The following GPC5 variants were observed in gnomAD, a reference collection of about 807,000 sequenced individuals.
GPC5 encodes glypican 5.
In GPC5, 47 loss-of-function variants were observed where a neutral mutation model predicts 53.9. The observed-to-expected ratio is 0.87, with a 90% confidence interval of 0.69 to 1.11. The LOEUF (loss-of-function observed/expected upper bound fraction) is 1.11, where lower values mean the gene tolerates loss of function less well. Among genes scored for constraint, GPC5 ranks in the 50% most tolerant of loss-of-function variants. GPC5 has a pLI of 0.00. For synonymous variants in GPC5, 286 were observed against 263.3 expected (o/e 1.09, Z -0.84); for missense variants, 748 against 713.1 (o/e 1.05, Z -0.56).
At chr13:91,835,490 T>C (rs1255252561) in intron 5 of GPC5, among the ~76,000 whole-genome samples, 2 of 152,208 alleles carry the variant, frequency 1.3e-5, no homozygotes, top group African/African-American at 2.4e-5. Context: ...CCAATCCAAA[T>C]GCCCATCAAT....
intron 5 of GPC5, among the ~76,000 whole-genome samples, chr13:91,807,917 G>T (rs2038247338): frequency 6.6e-6 from 1 of 152,034 alleles, no homozygotes; most frequent in Admixed American, 6.6e-5. Flanking sequence ...TAACCACAAG[G>T]TTTCTTAAAG....
chr13:92,174,241 G>A (rs1274346577), intron 7 of GPC5, among the ~76,000 whole-genome samples: 1 of 152,050 alleles, frequency 6.6e-6, no homozygotes, highest in African/African-American at 2.4e-5. Context: ...CAAAATTTGG[G>A]CCGGGTGTGG....
intron 1 of GPC5, among the ~76,000 whole-genome samples, chr13:91,429,392 T>A (rs1879276143): frequency 6.6e-6 from 1 of 152,054 alleles, no homozygotes; most frequent in Non-Finnish European, 1.5e-5. Context: ...AGGTGACAGT[T>A]TAGAGGAGAG....
chr13:92,409,605 C>T (rs1049355781), intron 7 of GPC5, among the ~76,000 whole-genome samples: 1 of 152,040 alleles, frequency 6.6e-6, no homozygotes, highest in Non-Finnish European at 1.5e-5. Flanking sequence ...TAAAGCACTT[C>T]TGAAGGAAAA....
At chr13:92,288,277 A>C (rs1204586753) in intron 7 of GPC5, among the ~76,000 whole-genome samples, 1 of 151,884 alleles carries the variant, frequency 6.6e-6, no homozygotes, top group African/African-American at 2.4e-5. Flanking sequence ...TTTCCTCTTG[A>C]TTTCTTTTAT....
chr13:91,964,089 G>GT (rs918257372), intron 6 of GPC5, among the ~76,000 whole-genome samples: 5 of 152,266 alleles, frequency 3.3e-5, no homozygotes, highest in Admixed American at 2.6e-4. Context: ...TGTGTCCAGA[G>GT]TTTTTTCCTT....
chr13:92,773,762 T>G (rs769742279), intron 7 of GPC5, among the ~76,000 whole-genome samples: 9 of 152,182 alleles, frequency 5.9e-5, no homozygotes, highest in Non-Finnish European at 1.2e-4. Context: ...GATCTTGAAT[T>G]TCATCTGTTG....
intron 7 of GPC5, among the ~76,000 whole-genome samples, chr13:92,243,725 A>AT (rs1280752558): frequency 1.3e-5 from 2 of 152,080 alleles, no homozygotes; most frequent in African/African-American, 4.8e-5. Flanking sequence ...AAAAAGTAAA[A>AT]TTCAAGAGCC....
chr13:92,514,831 A>G (rs1594265667), intron 7 of GPC5, among the ~76,000 whole-genome samples: 1 of 152,316 alleles, frequency 6.6e-6, no homozygotes, highest in Non-Finnish European at 1.5e-5. Flanking sequence ...TAAAGGATCC[A>G]AGAGTTCTTT....
chr13:92,083,238 A>G (rs1344399557), intron 6 of GPC5, among the ~76,000 whole-genome samples: 1 of 152,130 alleles, frequency 6.6e-6, no homozygotes, highest in African/African-American at 2.4e-5. Flanking sequence ...TTTCTTCCCC[A>G]TTGCTCTTCT....
chr13:91,678,776 C>A (rs945128519), intron 2 of GPC5, among the ~76,000 whole-genome samples: 3 of 150,710 alleles, frequency 2.0e-5, no homozygotes, highest in Non-Finnish European at 3.0e-5. Context: ...ATAGAGCTGA[C>A]TTTAAAGGAA....
chr13:91,989,658 C>A (rs1315165318), intron 6 of GPC5, among the ~76,000 whole-genome samples: 1 of 152,102 alleles, frequency 6.6e-6, no homozygotes, highest in Non-Finnish European at 1.5e-5. Flanking sequence ...TTTATTCTCT[C>A]AGAACTTTGA....
Position 92,332,512 on chromosome 13 carries a change from C to T in GPC5, c.1561+187523C>T, listed in dbSNP as rs575031813. 4.6e-5 allele frequency among the ~76,000 whole-genome samples: 7 copies of T among 152,170 alleles called. No individual in the cohort carries two copies. In the South Asian group the frequency reaches 1.2e-3, roughly 27 times the overall value. Reference sequence around the variant, plus strand: ...TGTGGCTGCCTCAATCCTTAGTTTTCACAATTATAAAACTGGAGTTATGGG... The same window carrying T: ...TGTGGCTGCCTCAATCCTTAGTTTTTACAATTATAAAACTGGAGTTATGGG... On this transcript the variant is annotated intron_variant, in intron 7 of 7. Transcript: ENST00000377067.
At chr13:91,506,567 T>C (rs547156069) in intron 2 of GPC5, among the ~76,000 whole-genome samples, 124 of 152,256 alleles carry the variant, frequency 8.1e-4, no homozygotes, top group Middle Eastern at 3.4e-3. Context: ...TTTGAGTTTA[T>C]GGATAATACA....
chr13:92,354,769 G>A (rs1255001870), intron 7 of GPC5, among the ~76,000 whole-genome samples: 3 of 152,148 alleles, frequency 2.0e-5, no homozygotes, highest in East Asian at 1.9e-4. Context: ...AAAAATGGGG[G>A]AAGAGCATTC....
At chr13:92,850,236 A>G (rs2138843297) in intron 7 of GPC5, among the ~76,000 whole-genome samples, 1 of 152,322 alleles carries the variant, frequency 6.6e-6, no homozygotes, top group South Asian at 2.1e-4. Flanking sequence ...GATGCCCAAG[A>G]AAGCCAACTC....
At chr13:91,526,374 A>G (rs1012706692) in intron 2 of GPC5, among the ~76,000 whole-genome samples, 1 of 152,182 alleles carries the variant, frequency 6.6e-6, no homozygotes, top group Non-Finnish European at 1.5e-5. Context: ...GTGATGAGAC[A>G]AGAGGCAATC....
intron 7 of GPC5, among the ~76,000 whole-genome samples, chr13:92,233,115 G>A (rs1215267589): frequency 2.0e-5 from 3 of 152,098 alleles, no homozygotes; most frequent in African/African-American, 2.4e-5. Flanking sequence ...TCATCAACTC[G>A]TTTCAAAGTA....
intron 2 of GPC5, among the ~76,000 whole-genome samples, chr13:91,685,724 G>T (rs1250180029): frequency 6.6e-6 from 1 of 152,092 alleles, no homozygotes; most frequent in Admixed American, 6.5e-5. Context: ...TTGAATGGAT[G>T]AATGAAAGAA....
Sources: allele counts gnomAD v4.1 joint callset (sites outside exome capture counted in the v4.1 genomes callset), GRCh38; gene constraint gnomAD v4.1.1; transcripts MANE v1.5; gene names NCBI Gene and HGNC (gene_info 2026-07-23, HGNC 2026-07-21).